The following DCP2 variants were observed in gnomAD, a reference collection of about 807,000 sequenced individuals.
The protein encoded by DCP2 is decapping mRNA 2.
A neutral mutation model predicts 56.1 loss-of-function variants in DCP2; 30 were observed. The observed-to-expected ratio is 0.53, with a 90% CI of 0.40 to 0.73. DCP2 has a LOEUF of 0.73. Ranked by LOEUF, DCP2 falls within the 30% of genes least tolerant of loss-of-function variation. DCP2 has a pLI of 0.00. For missense variants in DCP2, 533 were observed against 502.7 expected, an observed-to-expected ratio of 1.06 and a Z score of -0.58; for synonymous variants, 197 against 163.3, an observed-to-expected ratio of 1.21 and a Z score of -1.57.
intron 1 of DCP2, among the ~76,000 whole-genome samples, chr5:112,983,705 A>G (rs1318177840): frequency 6.6e-6 from 1 of 152,244 alleles, no homozygotes; most frequent in Non-Finnish European, 1.5e-5. Flanking sequence ...GGGGAAAAAA[A>G]AAGGTCATAT....
intron 1 of DCP2, among the ~76,000 whole-genome samples, chr5:112,981,953 A>G (rs1350421553): frequency 6.6e-6 from 1 of 151,976 alleles, no homozygotes. Context: ...TTTAGTGGAG[A>G]CGGGGTTTCA....
chr5:113,012,921 T>A (rs535098383), intron 10 of DCP2, among the ~76,000 whole-genome samples: 1 of 152,172 alleles, frequency 6.6e-6, no homozygotes, highest in East Asian at 1.9e-4. Context: ...GGATTACAGG[T>A]GTGAGCCACC....
chr5:113,007,460 G>A (rs751722457), intron 8 of DCP2, among the ~76,000 whole-genome samples: 7 of 148,950 alleles, frequency 4.7e-5, no homozygotes, highest in African/African-American at 1.5e-4. Context: ...TAGTGCAGTC[G>A]TGCCATCTTG....
At position 112,976,911 on chromosome 5, in the gene DCP2, T is replaced by G. The variant is rs760890568; in HGVS notation, c.-23T>G. On this transcript the variant is annotated 5_prime_UTR_variant, in exon 1 of 11. Transcript: ENST00000389063. ...CCGGCCGCGCGGAGCCGGGATGCAC[T>G]GTTCCTGCTGTGGGTCCTCATCATG... 6.2e-7 allele frequency: 1 copy of G among 1,613,722 alleles called. No homozygotes were observed. The highest frequency in any genetic ancestry group is 8.5e-7 in the Non-Finnish European group (1 of 1,179,620).
chr5:113,010,637 C>T (rs866738500), intron 9 of DCP2, 119 bp from the exon 10 acceptor site: 1 of 1,130,844 alleles, frequency 8.8e-7, no homozygotes, highest in Middle Eastern at 3.0e-4. Context: ...TGATTATATT[C>T]CTGGTTCAGT....
intron 4 of DCP2, among the ~76,000 whole-genome samples, chr5:113,000,061 C>CAAAAAAAA (rs60251393): frequency 3.3e-5 from 3 of 89,948 alleles, no homozygotes; most frequent in African/African-American, 4.4e-5. Flanking sequence ...AACTCCATCT[C>CAAAAAAAA]AAAAAAAAAA....
intron 2 of DCP2, among the ~76,000 whole-genome samples, chr5:112,988,246 G>A (rs1260567862): frequency 1.3e-5 from 2 of 151,716 alleles, no homozygotes; most frequent in Non-Finnish European, 2.9e-5. Context: ...ACTTTGGGAG[G>A]CCAAGGGGGG....
Position 113,020,569 on chromosome 5 carries a change from C to T in DCP2, c.*7085C>T, listed in dbSNP as rs1209818571. 6.6e-6 allele frequency: 1 copy of T among 152,180 alleles called. No individual in the cohort carries two copies. The highest frequency in any genetic ancestry group is 1.5e-5 in the Non-Finnish European group (1 of 68,020). The allele number at this position is 152,180 out of a possible 1,614,324, so 9.4% of individuals were successfully genotyped here. A position where few individuals can be genotyped will look rare whatever the true frequency, so the allele number is the denominator to read the frequency against. On this transcript the variant is annotated 3_prime_UTR_variant, in exon 11 of 11. Coordinates refer to ENST00000389063, the MANE Select transcript of DCP2 (RefSeq NM_152624.6). ...TTATGTTGTTGTAGTTGAACAGCAA[C>T]TGTTTTTTTCCCTCAGTGTTAACGA...
rs1749768574 is a variant in DCP2, at chr5:113,013,588, G to A, written c.*104G>A. On this transcript the variant is annotated 3_prime_UTR_variant, in exon 11 of 11. Transcript: ENST00000389063. ...TCTCAGGTGTTTTAAAGAAATGCAG[G>A]GAGGCAATGTTTCTGAAGACATTTT... is the stretch of plus-strand genomic sequence containing the variant. The A allele has an allele frequency of 3.0e-6, 4 of 1,348,838 alleles. No individual in the cohort carries two copies. Among genetic ancestry groups the A allele is most frequent in the East Asian group, 4.6e-5 (2 of 43,352 alleles). The allele number at this position is 1,348,838 out of a possible 1,614,324, so 83.6% of individuals were successfully genotyped here. A position where few individuals can be genotyped will look rare whatever the true frequency, so the allele number is the denominator to read the frequency against.
At chr5:113,010,955 G>C (rs1749658828) in intron 10 of DCP2, 148 bp downstream of exon 10, 2 of 792,254 alleles carry the variant, frequency 2.5e-6, no homozygotes, top group Non-Finnish European at 3.7e-6. Flanking sequence ...TGTATGTAGA[G>C]TTCTCTAAGA....
rs1371926369 is a variant in DCP2, at chr5:113,019,989, A to G, written c.*6505A>G. On this transcript the variant is annotated 3_prime_UTR_variant, in exon 11 of 11. Transcript: ENST00000389063. ...GACTTGACTTTTTAATACTGTGCCT[A>G]TTTCCAAAAGAAGACTTGATGTGGC... 1 of 152,198 alleles carries G rather than the reference A, an allele frequency of 6.6e-6. No homozygotes were observed. The highest frequency in any genetic ancestry group is 2.1e-4 in the South Asian group (1 of 4,838). 9.4% of individuals were successfully genotyped at this position (152,198 alleles called of 1,614,324 possible). A position where few individuals can be genotyped will look rare whatever the true frequency, so the allele number is the denominator to read the frequency against.
rs1420345799 is a variant in DCP2 at position 113,014,756 on chromosome 5, A to G, written c.*1272A>G. The G allele has an allele frequency of 3.9e-5, 6 of 152,444 alleles. No individual in the cohort carries two copies. The highest frequency in any genetic ancestry group is 1.9e-4 in the East Asian group (1 of 5,190). 9.4% of individuals were successfully genotyped at this position (152,444 alleles called of 1,614,324 possible). On this transcript the variant is annotated 3_prime_UTR_variant, in exon 11 of 11. Coordinates refer to ENST00000389063, the MANE Select transcript of DCP2 (RefSeq NM_152624.6). ...TCTTGGGAGTCGGGGGTGTTTGAGT[A>G]TATGTGTGTGTGTGTAACTATCATG...
In DCP2 at chr5:113,019,065, A is replaced by G. The variant is rs1024908604; in HGVS notation, c.*5581A>G. 2.0e-5 allele frequency: 3 copies of G among 152,210 alleles called. No homozygotes were observed. Among genetic ancestry groups the G allele is most frequent in the African/African-American group, 7.2e-5 (3 of 41,452 alleles). The allele number at this position is 152,210 out of a possible 1,614,324, so 9.4% of individuals were successfully genotyped here. ...AGAGGTCTTAGGCAACATCCTTAGT[A>G]TAGTGGAATTTCTGAGGTCAAATTT... On this transcript the variant is annotated 3_prime_UTR_variant, in exon 11 of 11. Transcript: ENST00000389063.
At chr5:112,977,145 C>G (rs1052235608) in intron 1 of DCP2, among the ~76,000 whole-genome samples, 159 bp downstream of exon 1, 2 of 152,178 alleles carry the variant, frequency 1.3e-5, no homozygotes, top group Admixed American at 6.5e-5. Flanking sequence ...TCCGACGACA[C>G]CGCCCCTCTT....
chr5:113,000,987 G>A, intron 4 of DCP2, 97 bp from the exon 5 acceptor site: 1 of 1,150,506 alleles, frequency 8.7e-7, no homozygotes, highest in Non-Finnish European at 1.2e-6. Context: ...TACAAGTCAT[G>A]TCCCCTTTTT....
intron 1 of DCP2, among the ~76,000 whole-genome samples, chr5:112,977,799 T>C (rs577654647): frequency 8.5e-5 from 13 of 152,310 alleles, no homozygotes; most frequent in Admixed American, 2.0e-4. Flanking sequence ...CCCGGAGTTG[T>C]CGCCAAGTGT....
chr5:112,986,124 A>G (rs2150171029), intron 2 of DCP2, 138 bp downstream of exon 2: 1 of 742,092 alleles, frequency 1.3e-6, no homozygotes, highest in East Asian at 2.7e-5. Context: ...TCAAACATAA[A>G]TAGTAGACAC....
In DCP2 at chr5:113,008,019, G is replaced by A; in HGVS notation, c.1024G>A (p.Ala342Thr). 6.2e-7 allele frequency: 1 copy of A among 1,613,970 alleles called. No individual in the cohort carries two copies. The highest frequency in any genetic ancestry group is 8.5e-7 in the Non-Finnish European group (1 of 1,179,878). The change falls in exon 9 of 11, where the codon GCA becomes ACA. Residue 342 changes from alanine (A) to threonine (T), a missense_variant. By Grantham distance (58) the Ala-to-Thr change is moderately conservative. Coordinates refer to ENST00000389063, the MANE Select transcript of DCP2 (RefSeq NM_152624.6). ...GAAAAGAACAAATGGGCTTCAGCCAGCAAAGCAGCAGAATTCTTTGATGGT... is the reference window on the plus strand; with the variant it reads ...GAAAAGAACAAATGGGCTTCAGCCAACAAAGCAGCAGAATTCTTTGATGGT... ...QKKRTNGLQPAKQQNSLMKCE... is the reference protein window; with the variant it reads ...QKKRTNGLQPTKQQNSLMKCE...
At chr5:113,009,911 C>CT (rs910536423) in intron 9 of DCP2, among the ~76,000 whole-genome samples, 6 of 139,036 alleles carry the variant, frequency 4.3e-5, no homozygotes, top group African/African-American at 1.1e-4. Flanking sequence ...AATGAATAAT[C>CT]TTTTTTTTCC....
Sources: allele counts gnomAD v4.1 joint callset (sites outside exome capture counted in the v4.1 genomes callset), GRCh38; gene constraint gnomAD v4.1.1; transcripts MANE v1.5; gene names NCBI Gene and HGNC (gene_info 2026-07-23, HGNC 2026-07-21).